Variants in TEAD1 observed in about 807,000 individuals in gnomAD.
TEAD1 encodes the protein transcriptional enhancer factor TEF-1.
Under a neutral mutation model 54.9 loss-of-function variants are expected in TEAD1, and 9 were observed. The observed-to-expected ratio is 0.16, with a 90% confidence interval of 0.10 to 0.29. TEAD1 has a LOEUF of 0.29. TEAD1 is among the 10% of genes least tolerant of loss of function. The probability of loss-of-function intolerance (pLI) is 1.00; values close to 1 mark genes in which losing one functional copy is unlikely to be tolerated. For missense variants in TEAD1, 387 were observed against 535.9 expected, an observed-to-expected ratio of 0.72 and a Z score of 2.74; for synonymous variants, 200 against 187.8, an observed-to-expected ratio of 1.07 and a Z score of -0.53.
chr11:12,913,432 A>T (rs933677942), intron 10 of TEAD1, among the ~76,000 whole-genome samples: 2 of 152,230 alleles, frequency 1.3e-5, no homozygotes, highest in African/African-American at 4.8e-5. Context: ...ATACGTATGT[A>T]TCTACAACCA....
chr11:12,824,826 G>A (rs1946618268), intron 3 of TEAD1, among the ~76,000 whole-genome samples: 2 of 152,168 alleles, frequency 1.3e-5, no homozygotes, highest in South Asian at 2.1e-4. Context: ...GAGCCTGTTC[G>A]GAAGCTGGCA....
intron 3 of TEAD1, among the ~76,000 whole-genome samples, chr11:12,777,365 G>A (rs1945449133): frequency 6.6e-6 from 1 of 152,130 alleles, no homozygotes; most frequent in Non-Finnish European, 1.5e-5. Flanking sequence ...CTCACTGTAT[G>A]CCTACCCTCT....
chr11:12,932,238 T>C (rs530547614), intron 12 of TEAD1, among the ~76,000 whole-genome samples: 1 of 152,288 alleles, frequency 6.6e-6, no homozygotes, highest in South Asian at 2.1e-4. Flanking sequence ...ATTCAAGGTT[T>C]GCAGGACTGG....
chr11:12,902,847 A>T (rs1033381569), intron 10 of TEAD1, among the ~76,000 whole-genome samples: 1 of 151,754 alleles, frequency 6.6e-6, no homozygotes, highest in Non-Finnish European at 1.5e-5. Context: ...GTTTGTCTAG[A>T]TGGACTTTCT....
chr11:12,774,631 G>T (rs1439577004), intron 3 of TEAD1, among the ~76,000 whole-genome samples: 1 of 152,292 alleles, frequency 6.6e-6, no homozygotes, highest in East Asian at 1.9e-4. Context: ...CAAGCTCTTT[G>T]AGCCTTGTTG....
intron 3 of TEAD1, among the ~76,000 whole-genome samples, chr11:12,823,074 A>G (rs1300360474): frequency 2.6e-5 from 4 of 152,194 alleles, no homozygotes; most frequent in Non-Finnish European, 5.9e-5. Context: ...TGCAGTTTCC[A>G]TTCCCCCAGC....
At chr11:12,803,749 T>G (rs1276866661) in intron 3 of TEAD1, among the ~76,000 whole-genome samples, 1 of 152,156 alleles carries the variant, frequency 6.6e-6, no homozygotes, top group Non-Finnish European at 1.5e-5. Context: ...CAAAATGAGG[T>G]CTCCTGTATC....
chr11:12,774,169 A>G (rs1945370429), intron 3 of TEAD1, among the ~76,000 whole-genome samples: 1 of 152,162 alleles, frequency 6.6e-6, no homozygotes, highest in Non-Finnish European at 1.5e-5. Context: ...CTGGTCATGC[A>G]TGGGAGAGGC....
intron 2 of TEAD1, among the ~76,000 whole-genome samples, chr11:12,748,700 C>T (rs1203951162): frequency 1.3e-5 from 2 of 152,108 alleles, no homozygotes; most frequent in Non-Finnish European, 2.9e-5. Context: ...CATATCATCT[C>T]GTATAACCAG....
In TEAD1 at chr11:12,881,015, G is replaced by A; in HGVS notation, c.476G>A (p.Gly159Glu). The change falls in exon 7 of 13, where the codon GGA becomes GAA. Residue 159 changes from glycine (G) to glutamate (E), a missense_variant. Physicochemically the swap from Gly to Glu is moderately conservative, Grantham distance 98 (BLOSUM62 -2). This residue lies in a region of TEAD1 where 180 missense variants were observed against 180.6 expected (regional missense o/e 1.00). Transcript: ENST00000527636. ...CATTTTGCCTTCCAGTTCTGGCCGG[G>A]AATGATTCAAACAGGGCAGCCAGGA... is the stretch of plus-strand genomic sequence containing the variant. 1.2e-6 allele frequency: 2 copies of A among 1,614,152 alleles called. No homozygotes were observed. Among genetic ancestry groups the A allele is most frequent in the Non-Finnish European group, 1.7e-6 (2 of 1,180,020 alleles).
chr11:12,687,191 G>A (rs1943351672), intron 2 of TEAD1, among the ~76,000 whole-genome samples: 1 of 152,200 alleles, frequency 6.6e-6, no homozygotes, highest in Non-Finnish European at 1.5e-5. Context: ...CCCTCTAGCT[G>A]TTTTTTGTGC....
chr11:12,737,328 C>CAAAAAAA (rs5789738), intron 2 of TEAD1, among the ~76,000 whole-genome samples: 1 of 131,950 alleles, frequency 7.6e-6, no homozygotes, highest in Non-Finnish European at 1.7e-5. Flanking sequence ...AAAGACTAAG[C>CAAAAAAA]AAAAAAAAAA....
chr11:12,819,278 ATT>A (rs72319822), intron 3 of TEAD1, among the ~76,000 whole-genome samples: 137,997 of 146,950 alleles, frequency 0.94, 65,153 homozygotes, highest in East Asian at 1. Context: ...TGCAGAGGTG[ATT>A]TTTTTTTTTT....
In TEAD1 at chr11:12,883,341, G is replaced by T. The variant is rs73409225; in HGVS notation, c.699+216G>T. 4.5e-3 allele frequency among the ~76,000 whole-genome samples: 678 copies of T among 152,298 alleles called. 5 individuals carry two copies. The highest frequency in any genetic ancestry group is 0.015 in the African/African-American group (632 of 41,548). ...ACAGCAGAGCAGGAGGTGTATTACT[G>T]TCCTGGACCCCAAGGTGCTGTGGGG... On this transcript the variant is annotated intron_variant, in intron 9 of 12. Transcript: ENST00000527636.
At chr11:12,866,127 A>G (rs1589939628) in intron 5 of TEAD1, among the ~76,000 whole-genome samples, 1 of 152,208 alleles carries the variant, frequency 6.6e-6, no homozygotes, top group East Asian at 1.9e-4. Flanking sequence ...TTTTAGCTGC[A>G]CTGGCTGAGC....
At chr11:12,803,659 G>A (rs1477530984) in intron 3 of TEAD1, among the ~76,000 whole-genome samples, 1 of 152,178 alleles carries the variant, frequency 6.6e-6, no homozygotes, top group East Asian at 1.9e-4. Flanking sequence ...CATCTGCAAT[G>A]GGAAGACAGG....
Position 12,943,903 on chromosome 11 carries a change from A to G in TEAD1, c.*6681A>G, listed in dbSNP as rs1048759037. 2.6e-5 allele frequency: 4 copies of G among 151,854 alleles called. No homozygotes were observed. The highest frequency in any genetic ancestry group is 6.6e-5 in the Admixed American group (1 of 15,172). 9.4% of individuals were successfully genotyped at this position (151,854 alleles called of 1,614,324 possible). A position where few individuals can be genotyped will look rare whatever the true frequency, so the allele number is the denominator to read the frequency against. On this transcript the variant is annotated 3_prime_UTR_variant, in exon 13 of 13. Transcript: ENST00000527636. ...AATAGGCTCATGACTGCAGACAAGGAAAAAAAAAGTAAAAACAAAAACAGT... is the reference window on the plus strand; with the variant it reads ...AATAGGCTCATGACTGCAGACAAGGGAAAAAAAAGTAAAAACAAAAACAGT...
chr11:12,805,131 T>C (rs1005712956), intron 3 of TEAD1, among the ~76,000 whole-genome samples: 1 of 152,186 alleles, frequency 6.6e-6, no homozygotes. Context: ...GACCATTTGG[T>C]GGCTTACTGT....
rs531372335 is a variant in TEAD1 at position 12,739,979 on chromosome 11, A to G, written c.-54-24200A>G. Among the ~76,000 whole-genome samples the G allele has an allele frequency of 4.1e-4, 62 of 152,372 alleles. 1 individual carries two copies. Among genetic ancestry groups the G allele is most frequent in the African/African-American group, 1.4e-3 (60 of 41,600 alleles). On this transcript the variant is annotated intron_variant, in intron 2 of 12. Transcript: ENST00000527636. ...TGGGAAAGCCAAATAAGGCTTTACC[A>G]AAGAGGTAGCTATTGAATCGGCCTC... is the stretch of plus-strand genomic sequence containing the variant.
Sources: gnomAD v4.1 joint callset for allele counts (sites outside exome capture counted in the v4.1 genomes callset) on GRCh38, gnomAD v4.1.1 for gene constraint, gnomAD v4.1.1 regional missense constraint, MANE v1.5 for transcripts, NCBI Gene and HGNC (gene_info 2026-07-23, HGNC 2026-07-21) for gene names.